CACNB4: variants seen among roughly 807,000 people sequenced by gnomAD.
CACNB4 encodes the protein calcium voltage-gated channel auxiliary subunit beta 4.
CACNB4 carries 32 observed loss-of-function variants against 71.2 expected under a neutral mutation model. The observed-to-expected ratio is 0.45, with a 90% CI of 0.34 to 0.60. CACNB4 has a LOEUF of 0.60. Among genes scored for constraint, CACNB4 ranks in the 20% least tolerant of loss-of-function variants. The probability of loss-of-function intolerance (pLI) is 0.01; values close to 1 mark genes in which losing one functional copy is unlikely to be tolerated. For missense variants in CACNB4, 464 were observed against 647.9 expected, an observed-to-expected ratio of 0.72 and a Z score of 3.08; for synonymous variants, 231 against 236.9, an observed-to-expected ratio of 0.97 and a Z score of 0.23.
intron 2 of CACNB4, among the ~76,000 whole-genome samples, chr2:151,931,200 A>C (rs2099861542): frequency 6.6e-6 from 1 of 152,168 alleles, no homozygotes. Context: ...GCTATTGATC[A>C]AGAATTGCTA....
chr2:152,075,584 G>T (rs1462603419), intron 2 of CACNB4, among the ~76,000 whole-genome samples: 1 of 152,174 alleles, frequency 6.6e-6, no homozygotes, highest in Non-Finnish European at 1.5e-5. Context: ...TGGACTCACT[G>T]TTGCTGGCTC....
intron 2 of CACNB4, among the ~76,000 whole-genome samples, chr2:152,026,007 C>A (rs1020414145): frequency 6.6e-6 from 1 of 152,174 alleles, no homozygotes; most frequent in African/African-American, 2.4e-5. Context: ...GCACAGGGCG[C>A]CCCCTGCAGG....
intron 2 of CACNB4, among the ~76,000 whole-genome samples, chr2:152,020,601 T>G (rs1185241828): frequency 3.9e-5 from 6 of 152,220 alleles, no homozygotes; most frequent in African/African-American, 9.7e-5. Flanking sequence ...GTGTTTACTA[T>G]TCTTTTGATT....
intron 12 of CACNB4, among the ~76,000 whole-genome samples, chr2:151,846,537 G>C (rs2099837627): frequency 6.6e-6 from 1 of 152,004 alleles, no homozygotes; most frequent in Non-Finnish European, 1.5e-5. Context: ...ACTTTTGTTT[G>C]TTTGTTTTTT....
In CACNB4 at chr2:151,838,928, G is replaced by T. The variant is rs778241995; in HGVS notation, c.*191C>A. 2.5e-5 allele frequency: 12 copies of T among 473,932 alleles called. No homozygotes were observed. Among genetic ancestry groups the T allele is most frequent in the Non-Finnish European group, 4.5e-5 (12 of 266,058 alleles). 29.4% of individuals were successfully genotyped at this position (473,932 alleles called of 1,614,324 possible). A position where few individuals can be genotyped will look rare whatever the true frequency, so the allele number is the denominator to read the frequency against. ...TGCACTTAAAAATATCTATATGATCGGGCATCTAATATCCATCTAGACTCA... is the reference window on the plus strand; with the variant it reads ...TGCACTTAAAAATATCTATATGATCTGGCATCTAATATCCATCTAGACTCA... On this transcript the variant is annotated 3_prime_UTR_variant, in exon 14 of 14. Transcript: ENST00000539935.
chr2:152,081,017 A>G (rs1687330357), intron 2 of CACNB4, among the ~76,000 whole-genome samples: 1 of 152,146 alleles, frequency 6.6e-6, no homozygotes, highest in African/African-American at 2.4e-5. Flanking sequence ...GCAGACTGCA[A>G]GCCAAAATAT....
chr2:151,895,097 CACA>C (rs1430939473), intron 2 of CACNB4, among the ~76,000 whole-genome samples: 11 of 18,496 alleles, frequency 5.9e-4, no homozygotes, highest in African/African-American at 1.3e-3. Flanking sequence ...CAAATAGCCC[CACA>C]CACACACACA....
intron 2 of CACNB4, among the ~76,000 whole-genome samples, chr2:151,896,687 T>G (rs2151492190): frequency 6.6e-6 from 1 of 152,346 alleles, no homozygotes; most frequent in Middle Eastern, 3.4e-3. Context: ...CTTGCTTTTT[T>G]GATTCCTATC....
At chr2:152,057,541 A>G (rs1379826472) in intron 2 of CACNB4, among the ~76,000 whole-genome samples, 2 of 152,216 alleles carry the variant, frequency 1.3e-5, no homozygotes, top group African/African-American at 4.8e-5. Context: ...CAAAAATCCT[A>G]AAAGCACAAA....
intron 2 of CACNB4, among the ~76,000 whole-genome samples, chr2:151,985,504 C>T (rs191694316): frequency 6.0e-4 from 92 of 152,178 alleles, no homozygotes; most frequent in Admixed American, 1.2e-3. Context: ...GATCACATTG[C>T]CAAAGGTTGT....
intron 2 of CACNB4, among the ~76,000 whole-genome samples, chr2:152,015,856 G>A (rs545583905): frequency 6.6e-6 from 1 of 152,270 alleles, no homozygotes; most frequent in South Asian, 2.1e-4. Context: ...CTTTATACTT[G>A]GAACTGCCCA....
At chr2:151,915,671 C>G (rs112152508) in intron 2 of CACNB4, among the ~76,000 whole-genome samples, 6 of 152,054 alleles carry the variant, frequency 3.9e-5, no homozygotes, top group African/African-American at 1.4e-4. Context: ...AGTGAAACCA[C>G]ATCTCTACTA....
At chr2:151,892,128 A>G (rs1450497065) in intron 2 of CACNB4, among the ~76,000 whole-genome samples, 6 of 152,322 alleles carry the variant, frequency 3.9e-5, no homozygotes, top group Admixed American at 2.0e-4. Flanking sequence ...GCAGTGCTGC[A>G]TACTGATGAG....
chr2:152,073,316 C>T (rs1686802848), intron 2 of CACNB4, among the ~76,000 whole-genome samples: 1 of 152,144 alleles, frequency 6.6e-6, no homozygotes, highest in Admixed American at 6.5e-5. Context: ...CCTTGTCATC[C>T]AAGGTCCAAA....
Position 151,979,591 on chromosome 2 carries a change from C to T in CACNB4, c.148-96221G>A, listed in dbSNP as rs147585476. 1.0e-2 allele frequency among the ~76,000 whole-genome samples: 1,516 copies of T among 152,302 alleles called. 8 individuals are homozygous for T. Among genetic ancestry groups the T allele is most frequent in the Middle Eastern group, 0.065 (19 of 294 alleles). Reference sequence around the variant, plus strand: ...GGAGATTAGTTCAGCTGGTCACCTTCCCATTGCCTATATATTGTTTAGCTG... The same window carrying T: ...GGAGATTAGTTCAGCTGGTCACCTTTCCATTGCCTATATATTGTTTAGCTG... On this transcript the variant is annotated intron_variant, in intron 2 of 13. Transcript: ENST00000539935.
At chr2:151,886,926 A>C (rs1397936387) in intron 2 of CACNB4, among the ~76,000 whole-genome samples, 1 of 152,254 alleles carries the variant, frequency 6.6e-6, no homozygotes, top group Non-Finnish European at 1.5e-5. Context: ...CACAGAGGGA[A>C]GAGCAAGTGA....
chr2:152,016,175 G>A (rs910563331), intron 2 of CACNB4, among the ~76,000 whole-genome samples: 3 of 152,172 alleles, frequency 2.0e-5, no homozygotes, highest in African/African-American at 7.2e-5. Flanking sequence ...AGGGTGGCTT[G>A]AGATTCTCAT....
rs2099839033 is a variant in CACNB4, at chr2:151,851,348, G to T, written c.1116+2100C>A. ...GTAAACAGTGTTTAGAAAATGCTAAGTACAAGGTAACCTTATCCATCCAGA... is the reference window on the plus strand; with the variant it reads ...GTAAACAGTGTTTAGAAAATGCTAATTACAAGGTAACCTTATCCATCCAGA... On this transcript the variant is annotated intron_variant, in intron 12 of 13. Transcript: ENST00000539935. 5 of 152,146 alleles carry T rather than the reference G, an allele frequency of 3.3e-5. 1 individual carries two copies. The highest frequency in any genetic ancestry group is 3.3e-4 in the Admixed American group (5 of 15,276). 9.4% of individuals were successfully genotyped at this position (152,146 alleles called of 1,614,324 possible).
At chr2:151,930,735 C>CGA (rs1363939297) in intron 2 of CACNB4, among the ~76,000 whole-genome samples, 38 of 152,098 alleles carry the variant, frequency 2.5e-4, no homozygotes, top group African/African-American at 9.2e-4. Context: ...CCAGAACACT[C>CGA]TATACTCCTT....
Sources: gnomAD v4.1 joint callset for allele counts (sites outside exome capture counted in the v4.1 genomes callset) on GRCh38, gnomAD v4.1.1 for gene constraint, MANE v1.5 for transcripts, NCBI Gene and HGNC (gene_info 2026-07-23, HGNC 2026-07-21) for gene names.